The following NLRP5 variants were observed in gnomAD, a reference collection of about 807,000 sequenced individuals.
NLRP5 encodes NACHT, LRR and PYD domains-containing protein 5.
A neutral mutation model predicts 113.1 loss-of-function variants in NLRP5; 93 were observed. The ratio of observed to expected loss-of-function variants is 0.82; its 90% confidence interval spans 0.70 to 0.98. The LOEUF (loss-of-function observed/expected upper bound fraction) is 0.98. NLRP5 is among the 50% of genes least tolerant of loss of function. The pLI, the probability that NLRP5 is intolerant of heterozygous loss-of-function variation, is 0.00. For synonymous variants in NLRP5, 751 were observed against 600.7 expected, an observed-to-expected ratio of 1.25 and a Z score of -3.66; for missense variants, 1,808 against 1,514.3, an observed-to-expected ratio of 1.19 and a Z score of -3.22.
intron 6 of NLRP5, among the ~76,000 whole-genome samples, chr19:56,021,744 A>G (rs1490749578): frequency 6.6e-6 from 1 of 151,974 alleles, no homozygotes; most frequent in East Asian, 1.9e-4. Flanking sequence ...CTTTTTTCTC[A>G]CTTTGGGGCT....
chr19:55,988,442 G>GTATATATATATCTA, the NLRP5 span: 1 of 103,758 alleles, frequency 9.6e-6, no homozygotes, highest in African/African-American at 3.9e-5. Context: ...ATATGTGTGT[G>GTATATATATATCTA]TGTATATATA....
chr19:56,009,995 C>G (rs1982119707), intron 3 of NLRP5, among the ~76,000 whole-genome samples: 1 of 152,176 alleles, frequency 6.6e-6, no homozygotes, highest in Non-Finnish European at 1.5e-5. Flanking sequence ...GACTGCGTCT[C>G]AGAGGTTTTA....
intron 6 of NLRP5, among the ~76,000 whole-genome samples, chr19:56,023,561 A>C (rs1035277106): frequency 3.5e-4 from 54 of 152,154 alleles, no homozygotes; most frequent in African/African-American, 1.3e-3. Context: ...CGATGTGTAG[A>C]CATCGTGTTA....
At position 56,050,398 on chromosome 19, in the gene NLRP5, C is replaced by G; in HGVS notation, c.2958-20C>G. ...GGGAATGAGCATCACGATCTTCTTTCCCATGTGTGTGCCCCACAGGCTGAA... is the reference window on the plus strand; with the variant it reads ...GGGAATGAGCATCACGATCTTCTTTGCCATGTGTGTGCCCCACAGGCTGAA... On this transcript the variant is annotated intron_variant, in intron 11 of 14. Transcript: ENST00000390649. 6.2e-7 allele frequency: 1 copy of G among 1,610,156 alleles called. No individual in the cohort carries two copies. The highest frequency in any genetic ancestry group is 8.5e-7 in the Non-Finnish European group (1 of 1,178,278).
intron 3 of NLRP5, among the ~76,000 whole-genome samples, chr19:56,011,863 T>G (rs1193063430): frequency 1.3e-5 from 2 of 151,802 alleles, no homozygotes; most frequent in Non-Finnish European, 2.9e-5. Context: ...GGCTAATTTT[T>G]GTGTATTTGG....
intron 2 of NLRP5, among the ~76,000 whole-genome samples, chr19:56,005,194 TATATACACATAC>T (rs1438315436): frequency 1.4e-5 from 2 of 140,286 alleles, no homozygotes; most frequent in Admixed American, 1.4e-4. Context: ...CACATATTTT[TATATACACATAC>T]ACATACACAC....
chr19:55,995,097 AC>A (rs1307229250), upstream of NLRP5, among the ~76,000 whole-genome samples: 3 of 152,092 alleles, frequency 2.0e-5, no homozygotes, highest in African/African-American at 7.2e-5. Flanking sequence ...TTCTGAGCAA[AC>A]TATCGCAAGG....
At chr19:56,019,970 G>A (rs970099662) in intron 5 of NLRP5, among the ~76,000 whole-genome samples, 1 of 151,638 alleles carries the variant, frequency 6.6e-6, no homozygotes, top group Non-Finnish European at 1.5e-5. Context: ...CCGAGTAGCT[G>A]GGATTACAGG....
intron 11 of NLRP5, among the ~76,000 whole-genome samples, chr19:56,045,235 C>G (rs1013850028): frequency 2.1e-4 from 32 of 152,106 alleles, no homozygotes; most frequent in African/African-American, 7.2e-4. Context: ...ACTTCCAGTA[C>G]TGTGTTGAAG....
chr19:56,050,431 C>T lies in NLRP5; in HGVS notation c.2971C>T (p.His991Tyr), dbSNP rs1438854453. Reference sequence around the variant, plus strand: ...TGTGCCCCACAGGCTGAATCAGTGCCACCTGGACACGGCTGGCTGTGGTTT... The same window carrying T: ...TGTGCCCCACAGGCTGAATCAGTGCTACCTGGACACGGCTGGCTGTGGTTT... Residue 991 changes from histidine (H) to tyrosine (Y), a missense_variant, in exon 12 of 15, where the codon CAC becomes TAC. His to Tyr is a moderately conservative substitution (Grantham distance 83). Coordinates refer to ENST00000390649, the MANE Select transcript of NLRP5 (RefSeq NM_153447.4). 1.2e-6 allele frequency: 2 copies of T among 1,613,682 alleles called. No homozygotes were observed. Among genetic ancestry groups the T allele is most frequent in the South Asian group, 2.2e-5 (2 of 91,060 alleles).
chr19:56,000,928 C>T (rs1981621514), intron 1 of NLRP5, among the ~76,000 whole-genome samples: 2 of 151,772 alleles, frequency 1.3e-5, no homozygotes, highest in Non-Finnish European at 2.9e-5. Context: ...ATCGATTGAA[C>T]CCAGGAAGCA....
intron 11 of NLRP5, among the ~76,000 whole-genome samples, chr19:56,043,545 T>C (rs1351525203): frequency 1.1e-3 from 9 of 8,248 alleles, no homozygotes; most frequent in East Asian, 0.011. Context: ...TGCTATTCTT[T>C]TTTTTTTTTT....
the NLRP5 span, chr19:55,988,224 T>A: frequency 1.4e-5 from 2 of 148,050 alleles, no homozygotes; most frequent in Non-Finnish European, 1.5e-5. Context: ...AAACCCCGCC[T>A]CTACTAAAAA....
At chr19:56,000,354 A>C (rs577797986) in intron 1 of NLRP5, among the ~76,000 whole-genome samples, 20 of 114,494 alleles carry the variant, frequency 1.7e-4, no homozygotes, top group African/African-American at 6.0e-4. Flanking sequence ...CACATATATC[A>C]CCTCATGTTT....
chr19:56,036,303 G>A (rs1489432739), intron 9 of NLRP5, among the ~76,000 whole-genome samples: 9 of 151,568 alleles, frequency 5.9e-5, no homozygotes, highest in African/African-American at 9.7e-5. Context: ...TCCTGACCTC[G>A]TGATCTGCCC....
chr19:55,987,979 A>G, the NLRP5 span: 833,403 of 1,231,432 alleles, frequency 0.68, 283,583 homozygotes, highest in Admixed American at 0.72. Context: ...GGCAAATACC[A>G]GGCGTTATCA....
At chr19:56,012,204 A>C (rs928993887) in intron 3 of NLRP5, among the ~76,000 whole-genome samples, 1 of 151,742 alleles carries the variant, frequency 6.6e-6, no homozygotes, top group Non-Finnish European at 1.5e-5. Flanking sequence ...GCTGGAGTGC[A>C]GTGGTGCAGT....
At chr19:56,040,843 C>T in intron 10 of NLRP5, 79 bp from the exon 11 acceptor site, 1 of 1,227,902 alleles carries the variant, frequency 8.1e-7, no homozygotes. Flanking sequence ...ATACGTCTTT[C>T]CCCTCCTTGT....
chr19:56,047,417 G>A (rs1203912130), intron 11 of NLRP5, among the ~76,000 whole-genome samples: 1 of 152,060 alleles, frequency 6.6e-6, no homozygotes, highest in Non-Finnish European at 1.5e-5. Flanking sequence ...TATCCCAGAG[G>A]TTTTGATAGA....
Sources: gnomAD v4.1 joint callset for allele counts (sites outside exome capture counted in the v4.1 genomes callset) on GRCh38, gnomAD v4.1.1 for gene constraint, MANE v1.5 for transcripts, NCBI Gene and HGNC (gene_info 2026-07-23, HGNC 2026-07-21) for gene names.